The following L3MBTL1 variants were observed in gnomAD, a reference collection of about 807,000 sequenced individuals.
The protein encoded by L3MBTL1 is lethal(3)malignant brain tumor-like protein 1.
In L3MBTL1, 75 loss-of-function variants were observed where a neutral mutation model predicts 105.3. The observed-to-expected ratio is 0.71, with a 90% CI of 0.59 to 0.86. The LOEUF (loss-of-function observed/expected upper bound fraction) is 0.86. L3MBTL1 is among the 40% of genes least tolerant of loss of function. The pLI is 0.00. For synonymous variants in L3MBTL1, 452 were observed against 436.2 expected (o/e 1.04, Z -0.45); for missense variants, 1,069 against 1,126.4 (o/e 0.95, Z 0.73).
Position 43,540,317 on chromosome 20 carries a change from C to G in L3MBTL1, c.2331+9C>G, listed in dbSNP as rs372050022. 6.8e-6 allele frequency: 11 copies of G among 1,612,032 alleles called. No homozygotes were observed. In the African/African-American group the frequency reaches 1.5e-4, roughly 22 times the overall value. On this transcript the variant is annotated intron_variant, in intron 20 of 21. Transcript: ENST00000418998. ...AGTGGACCATCGATGAGGTGAGGAG[C>G]GAGGGCCCTTCTTTATCCTTCTCTT...
At chr20:43,541,943 G>C, downstream of L3MBTL1, 1 of 981,814 alleles carries the variant, frequency 1.0e-6, no homozygotes, top group Non-Finnish European at 1.2e-6. Context: ...GGGCACAGTG[G>C]CTCACGCCTG....
At chr20:43,514,124 C>A in intron 3 of L3MBTL1, 63 bp downstream of exon 3, 1 of 1,379,022 alleles carries the variant, frequency 7.3e-7, no homozygotes, top group Non-Finnish European at 9.9e-7. Flanking sequence ...GGCTTGCAGG[C>A]CCGGAGGCTG....
intron 7 of L3MBTL1, among the ~76,000 whole-genome samples, chr20:43,519,936 A>C (rs1445732473): frequency 6.6e-6 from 1 of 152,150 alleles, no homozygotes; most frequent in East Asian, 1.9e-4. Context: ...CTTTACTGAG[A>C]TACAATTCAC....
intron 19 of L3MBTL1, among the ~76,000 whole-genome samples, chr20:43,537,896 T>A (rs1307930921): frequency 4.6e-5 from 7 of 152,106 alleles, no homozygotes; most frequent in Non-Finnish European, 5.9e-5. Context: ...GGCTGAGAGA[T>A]CTTGGGTGGG....
chr20:43,510,660 A>T (rs996620568), intron 1 of L3MBTL1, among the ~76,000 whole-genome samples: 1 of 151,010 alleles, frequency 6.6e-6, no homozygotes, highest in Admixed American at 6.6e-5. Flanking sequence ...CAGGTGATCT[A>T]CCCACCTCGG....
Position 43,547,295 on chromosome 20 carries a change from G to A in L3MBTL1, c.2125-816G>A, listed in dbSNP as rs6017109. ...AATTTTTTGTATTTTTAGTAGAAGC[G>A]GGGTTTCACTGTGTTAGCCAGGATG... is the stretch of plus-strand genomic sequence containing the variant. On this transcript the variant is annotated intron_variant, in intron 18 of 18. Coordinates refer to the L3MBTL1 transcript ENST00000422861. Among the ~76,000 whole-genome samples the A allele has an allele frequency of 4.5e-3, 679 of 151,990 alleles. 11 individuals are homozygous for A. The highest frequency in any genetic ancestry group is 0.016 in the African/African-American group (652 of 41,490).
Position 43,531,080 on chromosome 20 carries a change from G to A in L3MBTL1, c.1284+191G>A, listed in dbSNP as rs2019313358. ...GCCAGAGATGGGAAGCTGGTTATAG[G>A]TTTTTCCCGACTTCCCTCCCTCCTT... On this transcript the variant is annotated intron_variant, in intron 11 of 21. Transcript: ENST00000418998. The A allele has an allele frequency of 2.1e-5, 12 of 582,592 alleles. No homozygotes were observed. In the East Asian group the frequency reaches 3.5e-4, roughly 17 times the overall value. 36.1% of individuals were successfully genotyped at this position (582,592 alleles called of 1,614,324 possible). A position where few individuals can be genotyped will look rare whatever the true frequency, so the allele number is the denominator to read the frequency against.
Position 43,548,109 on chromosome 20 carries a change from A to T in L3MBTL1, c.2125-2A>T. 1 of 1,297,798 alleles carries T rather than the reference A, an allele frequency of 7.7e-7. No individual in the cohort carries two copies. The highest frequency in any genetic ancestry group is 1.0e-6 in the Non-Finnish European group (1 of 987,932). The allele number at this position is 1,297,798 out of a possible 1,614,324, so 80.4% of individuals were successfully genotyped here. A position where few individuals can be genotyped will look rare whatever the true frequency, so the allele number is the denominator to read the frequency against. ...TTCCACCTCCCTCCCGCAACCCCTC[A>T]GATGATTGACGGCGAGGCCTTCCTT... is the stretch of plus-strand genomic sequence containing the variant. On this transcript the variant is annotated splice_acceptor_variant, in intron 18 of 18. Transcript: ENST00000422861. LOFTEE classifies it high-confidence loss of function.
exon 19 of L3MBTL1, chr20:43,549,744 G>C (rs1289884211): frequency 6.6e-6 from 1 of 152,408 alleles, no homozygotes; most frequent in Non-Finnish European, 1.5e-5. Context: ...GTGTGTGTGT[G>C]TGTGTGTGTG....
intron 19 of L3MBTL1, among the ~76,000 whole-genome samples, chr20:43,537,666 C>T (rs1356987827): frequency 6.6e-6 from 1 of 152,134 alleles, no homozygotes; most frequent in Admixed American, 6.5e-5. Flanking sequence ...CATCTTACAT[C>T]TTCAGCCACT....
chr20:43,520,085 C>T (rs2018629772), intron 7 of L3MBTL1, among the ~76,000 whole-genome samples: 1 of 152,146 alleles, frequency 6.6e-6, no homozygotes, highest in Non-Finnish European at 1.5e-5. Context: ...CCATCATTCC[C>T]CCTAAAGACC....
exon 19 of L3MBTL1, chr20:43,550,388 G>C (rs1978901150): frequency 6.6e-6 from 1 of 152,156 alleles, no homozygotes; most frequent in African/African-American, 2.4e-5. Flanking sequence ...TGGAGAAAAG[G>C]GCTCCCAGGC....
chr20:43,530,381 G>C lies in L3MBTL1; in HGVS notation c.1154G>C (p.Trp385Ser). Residue 385 changes from tryptophan (W) to serine (S), a missense_variant, in exon 10 of 22, where the codon TGG becomes TCG. Physicochemically the swap from Trp to Ser is radical, Grantham distance 177 (BLOSUM62 -3). Transcript: ENST00000418998. Reference protein sequence around the residue: ...ANSPDIHPAGWFEKTGHKLQP... With the variant: ...ANSPDIHPAGSFEKTGHKLQP... ...TCCCCTGACATTCACCCTGCTGGCT[G>C]GTTCGAGAAGACGGGCCACAAGCTG... 6.2e-7 allele frequency: 1 copy of C among 1,614,170 alleles called. No homozygotes were observed. Among genetic ancestry groups the C allele is most frequent in the Non-Finnish European group, 8.5e-7 (1 of 1,180,024 alleles).
At position 43,514,702 on chromosome 20, in the gene L3MBTL1, G is replaced by C; in HGVS notation, c.428G>C (p.Arg143Pro). The change falls in exon 4 of 22, where the codon CGG becomes CCG. Residue 143 changes from arginine to proline, a missense_variant. By Grantham distance (103) the Arg-to-Pro change is moderately radical. Transcript: ENST00000418998. The stretch of plus-strand genomic sequence containing the variant: ...GAGCAGCCCCCGAGCCCCGAGCTGC[G>C]GCAGGAAGGCGTGACCGAATACGAA... Reference protein sequence around the residue: ...GVEQPPSPELRQEGVTEYEDG... With the variant: ...GVEQPPSPELPQEGVTEYEDG... The C allele has an allele frequency of 6.3e-7, 1 of 1,583,614 alleles. No individual in the cohort carries two copies. Among genetic ancestry groups the C allele is most frequent in the Non-Finnish European group, 8.6e-7 (1 of 1,165,208 alleles).
At position 43,532,765 on chromosome 20, in the gene L3MBTL1, T is replaced by C. The variant is rs997900604; in HGVS notation, c.1285-8T>C. Reference sequence around the variant, plus strand: ...CCCTGGCCGTGGCAGCTCCTTTTTTTCCCCTAGAGTCCCCCACCCCTGGGC... The same window carrying C: ...CCCTGGCCGTGGCAGCTCCTTTTTTCCCCCTAGAGTCCCCCACCCCTGGGC... On this transcript the variant is annotated splice_region_variant and splice_polypyrimidine_tract_variant and intron_variant, in intron 11 of 21. Coordinates refer to ENST00000418998, the MANE Select transcript of L3MBTL1 (RefSeq NM_001377303.1). 2 of 1,613,932 alleles carry C rather than the reference T, an allele frequency of 1.2e-6. No homozygotes were observed. Among genetic ancestry groups the C allele is most frequent in the East Asian group, 4.5e-5 (2 of 44,890 alleles).
rs941979960 is a variant in L3MBTL1, at chr20:43,514,067, T to G, written c.360+6T>G. ...CCCCAGGGGGCGGCCTGCGGGTCAG[T>G]GTCTGTGGGGATTGGCTAAGCCTCG... On this transcript the variant is annotated splice_donor_region_variant and intron_variant, in intron 3 of 21. Transcript: ENST00000418998. 5 of 1,531,322 alleles carry G rather than the reference T, an allele frequency of 3.3e-6. No individual in the cohort carries two copies. The Admixed American group carries it at 9.8e-5, about 30-fold the overall frequency. The allele number at this position is 1,531,322 out of a possible 1,614,324, so 94.9% of individuals were successfully genotyped here. A position where few individuals can be genotyped will look rare whatever the true frequency, so the allele number is the denominator to read the frequency against.
rs1476378340 is a variant in L3MBTL1 at position 43,536,035 on chromosome 20, G to A, written c.1926-62G>A. The A allele has an allele frequency of 2.5e-6, 4 of 1,594,296 alleles. No homozygotes were observed. In the Admixed American group the frequency reaches 5.0e-5, roughly 20 times the overall value. On this transcript the variant is annotated intron_variant, in intron 17 of 21. Coordinates refer to ENST00000418998, the MANE Select transcript of L3MBTL1 (RefSeq NM_001377303.1). ...CAAAACACACTCCAGCTGGGACCAG[G>A]GCTGAGGAGGGCTCAGCGGGGACCA... is the stretch of plus-strand genomic sequence containing the variant.
exon 19 of L3MBTL1, chr20:43,549,582 G>C (rs369754063): frequency 8.5e-5 from 13 of 152,346 alleles, no homozygotes; most frequent in African/African-American, 3.1e-4. Context: ...GGGTGGGAAG[G>C]GGGAGAGCCA....
chr20:43,540,285 G>A lies in L3MBTL1; in HGVS notation c.2308G>A (p.Val770Ile). The change falls in exon 20 of 22, where the codon GTC becomes ATC. Residue 770 changes from valine (V) to isoleucine (I), a missense_variant. Transcript: ENST00000418998. ...PGVAGISAST[V>I]AKWTIDEVFG... ...AGTAGCGGGCATCTCAGCCTCGACA[G>A]TCGCCAAGTGGACCATCGATGAGGT... 6.2e-7 allele frequency: 1 copy of A among 1,613,778 alleles called. No individual in the cohort carries two copies. The highest frequency in any genetic ancestry group is 8.5e-7 in the Non-Finnish European group (1 of 1,180,020).
Sources: gnomAD v4.1 joint callset for allele counts (sites outside exome capture counted in the v4.1 genomes callset) on GRCh38, gnomAD v4.1.1 for gene constraint, MANE v1.5 for transcripts, NCBI Gene and HGNC (gene_info 2026-07-23, HGNC 2026-07-21) for gene names.